SLC9B1: variants seen among roughly 807,000 people sequenced by gnomAD.
SLC9B1 encodes the protein solute carrier family 9 member B1.
SLC9B1 carries 32 observed loss-of-function variants against 51.7 expected under a neutral mutation model. That is an observed-to-expected ratio of 0.62 (90% CI 0.47 to 0.83). The LOEUF (loss-of-function observed/expected upper bound fraction) is 0.83. Ranked by LOEUF, SLC9B1 falls within the 40% of genes least tolerant of loss-of-function variation. The pLI, the probability that SLC9B1 is intolerant of heterozygous loss-of-function variation, is 0.00. For synonymous variants in SLC9B1, 145 were observed against 212.7 expected (o/e 0.68, Z 2.77); for missense variants, 406 against 613.2 (o/e 0.66, Z 3.57).
At chr4:102,924,711 G>A (rs1736068388) in intron 7 of SLC9B1, among the ~76,000 whole-genome samples, 1 of 151,986 alleles carries the variant, frequency 6.6e-6, no homozygotes, top group South Asian at 2.1e-4. Context: ...AAATTTATAT[G>A]AAAAAATCAA....
chr4:102,939,687 A>T (rs996992399), intron 6 of SLC9B1, among the ~76,000 whole-genome samples: 104 of 152,376 alleles, frequency 6.8e-4, no homozygotes, highest in Non-Finnish European at 8.7e-4. Flanking sequence ...CCAGCAGCAT[A>T]TCAAAAAGCT....
chr4:102,949,328 C>A lies in SLC9B1; in HGVS notation c.311G>T (p.Ser104Ile), dbSNP rs991013089. 6.2e-7 allele frequency: 1 copy of A among 1,610,118 alleles called. No homozygotes were observed. The highest frequency in any genetic ancestry group is 1.1e-5 in the South Asian group (1 of 90,564). Residue 104 changes from serine (S) to isoleucine (I), a missense_variant, in exon 4 of 12, where the codon AGT becomes ATT. This residue lies in a region of SLC9B1 where 250 missense variants were observed against 394.1 expected (regional missense o/e 0.63). Transcript: ENST00000296422. ...NLFGLFIIFY[S>I]AIIGGKILQL... ...TAAAATTTTTCCCCCAATAATGGCA[C>A]TATAAAAAATAATGAACAACCCAAA...
intron 3 of SLC9B1, among the ~76,000 whole-genome samples, chr4:102,957,330 A>G (rs1737860945): frequency 1.3e-5 from 2 of 152,196 alleles, no homozygotes; most frequent in Non-Finnish European, 2.9e-5. Flanking sequence ...GAAGTTCAAC[A>G]AATCTCAAGT....
intron 7 of SLC9B1, among the ~76,000 whole-genome samples, chr4:102,925,817 C>A (rs1184956012): frequency 2.0e-5 from 3 of 152,158 alleles, no homozygotes; most frequent in Non-Finnish European, 4.4e-5. Context: ...AGACCAATAT[C>A]CCTGATGAAC....
rs150568250 is a variant in SLC9B1 at position 102,976,133 on chromosome 4, C to T, written c.211+13667G>A. 4.6e-3 allele frequency among the ~76,000 whole-genome samples: 699 copies of T among 152,216 alleles called. 3 individuals carry two copies. Among genetic ancestry groups the T allele is most frequent in the Non-Finnish European group, 8.0e-3 (544 of 68,008 alleles). ...TCAATAAGAGAGTGATCATTGGTGTCAAAAGCTGGAAAGATCTTGAATACG... is the reference window on the plus strand; with the variant it reads ...TCAATAAGAGAGTGATCATTGGTGTTAAAAGCTGGAAAGATCTTGAATACG... On this transcript the variant is annotated intron_variant, in intron 3 of 11. Coordinates refer to ENST00000296422, the MANE Select transcript of SLC9B1 (RefSeq NM_139173.4).
chr4:102,908,035 T>C (rs28499532), intron 9 of SLC9B1, among the ~76,000 whole-genome samples: 1 of 144,178 alleles, frequency 6.9e-6, no homozygotes, highest in Non-Finnish European at 1.5e-5. Context: ...GGGGAACTTC[T>C]CAAGCTGATT....
At chr4:102,891,562 C>A (rs901812583) in intron 11 of SLC9B1, 1 of 152,152 alleles carries the variant, frequency 6.6e-6, no homozygotes, top group Non-Finnish European at 1.5e-5. Flanking sequence ...TTGGTGGTAA[C>A]AATTTCCCCT....
intron 3 of SLC9B1, among the ~76,000 whole-genome samples, chr4:102,972,104 C>A (rs1738794505): frequency 6.6e-6 from 1 of 151,880 alleles, no homozygotes; most frequent in African/African-American, 2.4e-5. Flanking sequence ...CTATTCCAAT[C>A]AATATAAAAA....
intron 3 of SLC9B1, among the ~76,000 whole-genome samples, chr4:102,963,839 T>C (rs538307029): frequency 3.9e-5 from 6 of 152,116 alleles, no homozygotes; most frequent in Non-Finnish European, 7.3e-5. Flanking sequence ...TGTATAGCTT[T>C]AAAAACAGAA....
chr4:102,978,933 T>G (rs10516495), intron 3 of SLC9B1, among the ~76,000 whole-genome samples: 1 of 151,988 alleles, frequency 6.6e-6, no homozygotes, highest in Non-Finnish European at 1.5e-5. Flanking sequence ...TATGGTTAGC[T>G]TTCTGGTTTC....
chr4:102,891,633 T>G (rs1369734748), intron 11 of SLC9B1: 1 of 152,240 alleles, frequency 6.6e-6, no homozygotes, highest in Non-Finnish European at 1.5e-5. Context: ...TAAAATATAT[T>G]GACTTACTCG....
At chr4:103,015,281 C>CA (rs201798527) in intron 1 of SLC9B1, among the ~76,000 whole-genome samples, 3,654 of 67,676 alleles carry the variant, frequency 0.054, 63 homozygotes, top group African/African-American at 0.087. Context: ...ATGTATGGAC[C>CA]AAAAAAAAAA....
chr4:102,932,633 A>T (rs1736516048), intron 6 of SLC9B1, among the ~76,000 whole-genome samples: 1 of 152,244 alleles, frequency 6.6e-6, no homozygotes, highest in Non-Finnish European at 1.5e-5. Context: ...GAAACTAAGT[A>T]TATCCCAGTA....
intron 1 of SLC9B1, among the ~76,000 whole-genome samples, chr4:103,014,089 G>C (rs1200084095): frequency 6.6e-6 from 1 of 152,132 alleles, no homozygotes; most frequent in African/African-American, 2.4e-5. Flanking sequence ...CTTACATTCA[G>C]CTTATAGGGT....
intron 10 of SLC9B1, chr4:102,906,313 T>C (rs989171436): frequency 7.6e-6 from 2 of 262,374 alleles, no homozygotes; most frequent in African/African-American, 2.3e-5. Context: ...TATTTATTTC[T>C]TCAGATAACT....
At chr4:102,906,708 G>T (rs1486316098) in intron 9 of SLC9B1, 64 bp from the exon 10 acceptor site, 9 of 998,646 alleles carry the variant, frequency 9.0e-6, no homozygotes, top group African/African-American at 1.9e-5. Context: ...GAAACTTAAA[G>T]TCTTCCCCCC....
intron 3 of SLC9B1, chr4:102,962,333 A>G: frequency 1.9e-6 from 1 of 539,084 alleles, no homozygotes; most frequent in Non-Finnish European, 3.8e-6. Context: ...GGAATCACTG[A>G]AGACTGGGAT....
At chr4:102,911,085 T>C (rs1393024359) in intron 8 of SLC9B1, among the ~76,000 whole-genome samples, 1 of 152,160 alleles carries the variant, frequency 6.6e-6, no homozygotes, top group East Asian at 1.9e-4. Flanking sequence ...CAGAAATAAA[T>C]GGGGACCTAT....
chr4:102,990,001 A>C, intron 2 of SLC9B1, 60 bp from the exon 3 acceptor site: 1 of 1,354,652 alleles, frequency 7.4e-7, no homozygotes, highest in African/African-American at 1.5e-5. Flanking sequence ...TTATGAATGA[A>C]ATAAACCACC....
Sources: allele counts gnomAD v4.1 joint callset (sites outside exome capture counted in the v4.1 genomes callset), GRCh38; gene constraint gnomAD v4.1.1; regional missense constraint gnomAD v4.1.1; transcripts MANE v1.5; gene names NCBI Gene and HGNC (gene_info 2026-07-23, HGNC 2026-07-21).